The following CYB5R3 variants were observed in gnomAD, a reference collection of about 807,000 sequenced individuals.
The protein encoded by CYB5R3 is cytochrome b5 reductase 3.
Under a neutral mutation model 36.5 loss-of-function variants are expected in CYB5R3, and 28 were observed. The ratio of observed to expected loss-of-function variants is 0.77; its 90% CI spans 0.57 to 1.05. The LOEUF (loss-of-function observed/expected upper bound fraction) is 1.05. Ranked by LOEUF, CYB5R3 falls within the 50% of genes least tolerant of loss-of-function variation. CYB5R3 has a pLI of 0.00. For missense variants in CYB5R3, 474 were observed against 408.9 expected, an observed-to-expected ratio of 1.16 and a Z score of -1.37; for synonymous variants, 181 against 159.8, an observed-to-expected ratio of 1.13 and a Z score of -1.00.
At position 42,619,499 on chromosome 22, in the gene CYB5R3, G is replaced by T; in HGVS notation, c.*274C>A. ...ATAGTGTGTGTGGGGGGTGGACGAGGGGTCATGAGGACAGGGATGGGGCTG... is the reference window on the plus strand; with the variant it reads ...ATAGTGTGTGTGGGGGGTGGACGAGTGGTCATGAGGACAGGGATGGGGCTG... On this transcript the variant is annotated 3_prime_UTR_variant, in exon 9 of 9. Transcript: ENST00000352397. 1.9e-6 allele frequency: 1 copy of T among 525,550 alleles called. No individual in the cohort carries two copies. The allele number at this position is 525,550 out of a possible 1,614,324, so 32.6% of individuals were successfully genotyped here.
intron 8 of CYB5R3, among the ~76,000 whole-genome samples, chr22:42,622,456 C>T (rs907273985): frequency 2.0e-5 from 3 of 152,162 alleles, no homozygotes; most frequent in East Asian, 1.9e-4. Flanking sequence ...GTGGAGCAGC[C>T]GACCTGGAGG....
At chr22:42,641,852 G>A (rs891102777) in intron 1 of CYB5R3, among the ~76,000 whole-genome samples, 2 of 151,932 alleles carry the variant, frequency 1.3e-5, no homozygotes, top group African/African-American at 2.4e-5. Context: ...TCGAACTCCT[G>A]ACCTCAAGTG....
intron 1 of CYB5R3, among the ~76,000 whole-genome samples, chr22:42,646,106 G>A (rs1235265090): frequency 6.6e-6 from 1 of 152,156 alleles, no homozygotes; most frequent in Non-Finnish European, 1.5e-5. Context: ...CTCGTCCACA[G>A]CACCACCCCA....
At chr22:42,620,754 A>T (rs1927920753) in intron 8 of CYB5R3, among the ~76,000 whole-genome samples, 1 of 152,176 alleles carries the variant, frequency 6.6e-6, no homozygotes, top group African/African-American at 2.4e-5. Context: ...GGAAGAGTCT[A>T]CTGTGCTGAG....
chr22:42,644,021 G>A (rs562464143), intron 1 of CYB5R3, among the ~76,000 whole-genome samples: 30 of 152,164 alleles, frequency 2.0e-4, no homozygotes, highest in East Asian at 7.7e-4. Flanking sequence ...TGACCTGCCC[G>A]GAGTACACCA....
Position 42,627,469 on chromosome 22 carries a change from T to G in CYB5R3, c.548-80A>C, listed in dbSNP as rs1187854336. 10 of 1,511,748 alleles carry G rather than the reference T, an allele frequency of 6.6e-6. No individual in the cohort carries two copies. The East Asian group carries it at 2.3e-4, about 35-fold the overall frequency. The allele number at this position is 1,511,748 out of a possible 1,614,324, so 93.6% of individuals were successfully genotyped here. A position where few individuals can be genotyped will look rare whatever the true frequency, so the allele number is the denominator to read the frequency against. On this transcript the variant is annotated intron_variant, in intron 6 of 8. Coordinates refer to ENST00000352397, the MANE Select transcript of CYB5R3 (RefSeq NM_000398.7). ...ACCGCCCCGCCCAGGTGTACTGGGG[T>G]GGAGGGGCCAGGACCACTGGGCCTG... is the stretch of plus-strand genomic sequence containing the variant.
chr22:42,628,184 C>T lies in CYB5R3; in HGVS notation c.431G>A (p.Gly144Asp), dbSNP rs756047846. 9 of 1,614,086 alleles carry T rather than the reference C, an allele frequency of 5.6e-6. No individual in the cohort carries two copies. Among genetic ancestry groups the T allele is most frequent in the Non-Finnish European group, 7.6e-6 (9 of 1,179,976 alleles). Residue 144 changes from glycine (G) to aspartate (D), a missense_variant, in exon 5 of 9, where the codon GGC becomes GAC. Transcript: ENST00000352397. The part of the protein sequence containing the change: ...MQIGDTIEFR[G>D]PSGLLVYQGK... ...CTGGTAGACCAGCAGCCCACTGGGG[C>T]CCCGGAACTCAATGGTGTCTCCAAT...
Position 42,627,398 on chromosome 22 carries a change from T to C in CYB5R3, c.548-9A>G, listed in dbSNP as rs996729582. 1.2e-6 allele frequency: 2 copies of C among 1,613,214 alleles called. No homozygotes were observed. Among genetic ancestry groups the C allele is most frequent in the Non-Finnish European group, 1.7e-6 (2 of 1,179,730 alleles). ...CAGCATCGGGGTGATGCCTGCAAAA[T>C]AGCCGGCCGGGCCTCGCACGTGCTG... On this transcript the variant is annotated splice_polypyrimidine_tract_variant and intron_variant, in intron 6 of 8. Transcript: ENST00000352397.
chr22:42,637,875 T>A (rs1480357346), intron 1 of CYB5R3, among the ~76,000 whole-genome samples: 1 of 152,202 alleles, frequency 6.6e-6, no homozygotes, highest in East Asian at 1.9e-4. Context: ...GGATACCTCA[T>A]GACCAAGTGG....
intron 1 of CYB5R3, 63 bp downstream of exon 1, chr22:42,649,232 C>A: frequency 1.3e-6 from 1 of 771,518 alleles, no homozygotes; most frequent in South Asian, 3.9e-5. Flanking sequence ...CAGCCCGCCC[C>A]CTCGCCGCCG....
intron 1 of CYB5R3, among the ~76,000 whole-genome samples, chr22:42,647,611 T>C (rs928214610): frequency 1.8e-4 from 12 of 66,642 alleles, no homozygotes; most frequent in African/African-American, 6.2e-4. Flanking sequence ...CCCAGCTACT[T>C]GGGAGGCTGA....
At chr22:42,634,904 A>G (rs1911890096) in intron 2 of CYB5R3, among the ~76,000 whole-genome samples, 3 of 149,622 alleles carry the variant, frequency 2.0e-5, no homozygotes, top group Non-Finnish European at 4.4e-5. Context: ...TCCCAGGTTC[A>G]CGCCATTCTC....
intron 4 of CYB5R3, among the ~76,000 whole-genome samples, 188 bp downstream of exon 4, chr22:42,630,694 G>T (rs577873005): frequency 5.4e-4 from 82 of 152,308 alleles, no homozygotes; most frequent in African/African-American, 1.9e-3. Context: ...GCTGCGGGGG[G>T]ACATGGACTC....
rs559751033 is a variant in CYB5R3 at position 42,646,800 on chromosome 22, G to A, written c.21+2495C>T. 1.0e-5 allele frequency: 10 copies of A among 986,252 alleles called. No homozygotes were observed. The South Asian group carries it at 3.3e-4, about 32-fold the overall frequency. 61.1% of individuals were successfully genotyped at this position (986,252 alleles called of 1,614,324 possible). ...TGTGGGGGAAGGGAACCCAGGAGAA[G>A]GAACAGGTGGACACAGAGCTGGGAT... On this transcript the variant is annotated intron_variant, in intron 1 of 8. Coordinates refer to ENST00000352397, the MANE Select transcript of CYB5R3 (RefSeq NM_000398.7).
intron 1 of CYB5R3, among the ~76,000 whole-genome samples, chr22:42,641,080 G>T (rs1234394990): frequency 6.7e-6 from 1 of 150,164 alleles, no homozygotes; most frequent in Non-Finnish European, 1.5e-5. Context: ...TGGTCTTGAA[G>T]TCCTGACCTG....
chr22:42,640,166 C>T (rs773061051), intron 1 of CYB5R3: 21 of 1,612,986 alleles, frequency 1.3e-5, no homozygotes, highest in East Asian at 2.2e-5. Flanking sequence ...GGAACCAGCT[C>T]AACCGTGGTG....
intron 1 of CYB5R3, chr22:42,639,981 G>A: frequency 4.3e-6 from 7 of 1,611,654 alleles, no homozygotes; most frequent in Non-Finnish European, 5.9e-6. Context: ...TCTAGCCAAT[G>A]ATGCCACGCT....
intron 2 of CYB5R3, chr22:42,632,860 C>T (rs1928691659): frequency 6.6e-6 from 1 of 152,074 alleles, no homozygotes; most frequent in South Asian, 2.1e-4. Context: ...AATCCCGTCT[C>T]TACTAAAACT....
intron 1 of CYB5R3, among the ~76,000 whole-genome samples, chr22:42,638,396 C>CAAAAAAA (rs1206825251): frequency 2.7e-5 from 1 of 36,498 alleles, no homozygotes; most frequent in Admixed American, 4.4e-4. Flanking sequence ...AACTCCATCT[C>CAAAAAAA]AAAAAAAAAA....
Sources: allele counts gnomAD v4.1 joint callset (sites outside exome capture counted in the v4.1 genomes callset), GRCh38; gene constraint gnomAD v4.1.1; transcripts MANE v1.5; gene names NCBI Gene and HGNC (gene_info 2026-07-23, HGNC 2026-07-21).